NOL11: variants seen among roughly 807,000 people sequenced by gnomAD.
NOL11 encodes nucleolar protein 11.
Under a neutral mutation model 93.0 loss-of-function variants are expected in NOL11, and 42 were observed. The ratio of observed to expected loss-of-function variants is 0.45; its 90% CI spans 0.35 to 0.58. The LOEUF (loss-of-function observed/expected upper bound fraction) is 0.58, where lower values mean the gene tolerates loss of function less well. Ranked by LOEUF, NOL11 falls within the 20% of genes least tolerant of loss-of-function variation. NOL11 has a pLI of 0.00. For missense variants in NOL11, 775 were observed against 841.8 expected (o/e 0.92, Z 0.98); for synonymous variants, 296 against 293.7 (o/e 1.01, Z -0.08).
At chr17:67,736,062 G>T (rs139628678) in intron 9 of NOL11, 39 bp downstream of exon 9, 1 of 1,554,688 alleles carries the variant, frequency 6.4e-7, no homozygotes, top group African/African-American at 1.4e-5. Context: ...AATACAAACC[G>T]TTTTATTAAC....
Position 67,719,800 on chromosome 17 carries a change from A to G in NOL11, c.255+13A>G. ...ACACGATAATAAGGTGAGTTTTAAA[A>G]CTTTTGTATAATATATACAATATAA... is the stretch of plus-strand genomic sequence containing the variant. On this transcript the variant is annotated intron_variant, in intron 2 of 17. Transcript: ENST00000253247. 6.5e-7 allele frequency: 1 copy of G among 1,533,816 alleles called. No homozygotes were observed. Among genetic ancestry groups the G allele is most frequent in the Non-Finnish European group, 8.9e-7 (1 of 1,119,030 alleles).
At chr17:67,734,487 T>C (rs2055183633) in intron 8 of NOL11, 48 bp downstream of exon 8, 1 of 1,265,252 alleles carries the variant, frequency 7.9e-7, no homozygotes, top group Non-Finnish European at 1.1e-6. Flanking sequence ...TATTTTGTTG[T>C]GTTTTGTTTT....
chr17:67,732,122 T>C (rs2055159297), intron 7 of NOL11, among the ~76,000 whole-genome samples: 1 of 152,236 alleles, frequency 6.6e-6, no homozygotes, highest in Non-Finnish European at 1.5e-5. Context: ...TATTTATTTA[T>C]GTCTTCCTTA....
At chr17:67,742,484 T>C (rs1207983917) in intron 16 of NOL11, among the ~76,000 whole-genome samples, 1 of 152,226 alleles carries the variant, frequency 6.6e-6, no homozygotes, top group Admixed American at 6.5e-5. Flanking sequence ...CTCTCTTTAG[T>C]ATAATTTTTG....
At chr17:67,728,168 G>A (rs556282374) in intron 7 of NOL11, among the ~76,000 whole-genome samples, 1 of 152,256 alleles carries the variant, frequency 6.6e-6, no homozygotes, top group Non-Finnish European at 1.5e-5. Flanking sequence ...GCTGAGGCAG[G>A]AGAATGGCGT....
At chr17:67,719,025 A>G (rs1270615339) in intron 1 of NOL11, 1 of 152,190 alleles carries the variant, frequency 6.6e-6, no homozygotes, top group Admixed American at 6.5e-5. Flanking sequence ...ATCAATTTTT[A>G]AATGTACTAT....
chr17:67,737,262 G>T, intron 11 of NOL11, 117 bp downstream of exon 11: 1 of 733,618 alleles, frequency 1.4e-6, no homozygotes, highest in Non-Finnish European at 2.3e-6. Context: ...CTAACATCTT[G>T]TAGTATCTTA....
chr17:67,725,012 C>T (rs992150134), intron 6 of NOL11, among the ~76,000 whole-genome samples: 5 of 152,088 alleles, frequency 3.3e-5, no homozygotes, highest in Admixed American at 1.3e-4. Flanking sequence ...GAGCTGAGAT[C>T]GTGCCAGTAC....
intron 8 of NOL11, 120 bp from the exon 9 acceptor site, chr17:67,735,780 G>A: frequency 1.6e-5 from 9 of 576,962 alleles, no homozygotes; most frequent in Non-Finnish European, 2.5e-5. Context: ...CTTCTTGAAA[G>A]TTGCTTACTT....
intron 6 of NOL11, among the ~76,000 whole-genome samples, chr17:67,726,195 C>T (rs1242724666): frequency 1.3e-5 from 2 of 152,172 alleles, no homozygotes; most frequent in South Asian, 2.1e-4. Context: ...GGGAGTCCCC[C>T]TCAATATTTT....
chr17:67,731,268 T>A (rs1423369367), intron 7 of NOL11, among the ~76,000 whole-genome samples: 12 of 2,878 alleles, frequency 4.2e-3, no homozygotes, highest in South Asian at 0.037. Flanking sequence ...TTTTTTTTTT[T>A]TTTTTTTTTT....
At chr17:67,719,449 CAG>C (rs2043201028) in intron 1 of NOL11, 1 of 310,934 alleles carries the variant, frequency 3.2e-6, no homozygotes, top group South Asian at 3.7e-5. Flanking sequence ...TTAGTAGAGA[CAG>C]GGTTTCACCA....
chr17:67,734,347 A>T lies in NOL11; in HGVS notation c.854-16A>T. The T allele has an allele frequency of 6.8e-7, 1 of 1,476,482 alleles. No individual in the cohort carries two copies. Among genetic ancestry groups the T allele is most frequent in the Non-Finnish European group, 9.4e-7 (1 of 1,058,984 alleles). 91.5% of individuals were successfully genotyped at this position (1,476,482 alleles called of 1,614,324 possible). The stretch of plus-strand genomic sequence containing the variant: ...ATACTTGGGACTTTTTTCTGAATTT[A>T]TGTCTTATTTTATAGAATGCCTCTC... On this transcript the variant is annotated splice_polypyrimidine_tract_variant and intron_variant, in intron 7 of 17. Coordinates refer to ENST00000253247, the MANE Select transcript of NOL11 (RefSeq NM_015462.5).
rs377685543 is a variant in NOL11, at chr17:67,736,775, T to G, written c.1143+21T>G. ...GAATTGTAAGTTTCGTAGTTGAAATTGAAACATTAGTGCAAATGTTGAAAA... is the reference window on the plus strand; with the variant it reads ...GAATTGTAAGTTTCGTAGTTGAAATGGAAACATTAGTGCAAATGTTGAAAA... On this transcript the variant is annotated intron_variant, in intron 10 of 17. Coordinates refer to ENST00000253247, the MANE Select transcript of NOL11 (RefSeq NM_015462.5). 12 of 1,522,434 alleles carry G rather than the reference T, an allele frequency of 7.9e-6. No homozygotes were observed. In the African/African-American group the frequency reaches 1.4e-4, roughly 17 times the overall value. 94.3% of individuals were successfully genotyped at this position (1,522,434 alleles called of 1,614,324 possible).
chr17:67,718,734 A>G (rs1294334656), intron 1 of NOL11, among the ~76,000 whole-genome samples: 2 of 152,192 alleles, frequency 1.3e-5, no homozygotes, highest in Non-Finnish European at 2.9e-5. Flanking sequence ...GAAAGCAGTT[A>G]CTTTTCTCTG....
intron 7 of NOL11, among the ~76,000 whole-genome samples, chr17:67,728,579 A>G (rs117274502): frequency 7.2e-5 from 11 of 152,166 alleles, no homozygotes; most frequent in Non-Finnish European, 1.3e-4. Context: ...CTCCCTGCCA[A>G]AAAAACCCGG....
intron 8 of NOL11, among the ~76,000 whole-genome samples, chr17:67,734,689 C>T (rs1171313150): frequency 6.6e-6 from 1 of 152,018 alleles, no homozygotes; most frequent in Non-Finnish European, 1.5e-5. Context: ...GTCTGTAGTC[C>T]CTGCTACTGA....
intron 7 of NOL11, among the ~76,000 whole-genome samples, 195 bp from the exon 8 acceptor site, chr17:67,734,168 C>T (rs2055179838): frequency 6.6e-6 from 1 of 152,156 alleles, no homozygotes; most frequent in Admixed American, 6.6e-5. Context: ...GCCCTCCCTT[C>T]CTCAGGGCTC....
Position 67,719,808 on chromosome 17 carries a change from A to G in NOL11, c.255+21A>G, listed in dbSNP as rs368228978. ...ATAAGGTGAGTTTTAAAACTTTTGT[A>G]TAATATATACAATATAAATGTTGAT... On this transcript the variant is annotated intron_variant, in intron 2 of 17. Transcript: ENST00000253247. 17 of 1,509,678 alleles carry G rather than the reference A, an allele frequency of 1.1e-5. No individual in the cohort carries two copies. In the African/African-American group the frequency reaches 1.4e-4, roughly 12 times the overall value. The allele number at this position is 1,509,678 out of a possible 1,614,324, so 93.5% of individuals were successfully genotyped here. A position where few individuals can be genotyped will look rare whatever the true frequency, so the allele number is the denominator to read the frequency against.
Sources: allele counts gnomAD v4.1 joint callset (sites outside exome capture counted in the v4.1 genomes callset), GRCh38; gene constraint gnomAD v4.1.1; transcripts MANE v1.5; gene names NCBI Gene and HGNC (gene_info 2026-07-23, HGNC 2026-07-21).